Variants in EPHA6 observed in about 807,000 individuals in gnomAD.
EPHA6 encodes the protein EPH receptor A6, also known as ephrin type-A receptor 6.
A neutral mutation model predicts 112.0 loss-of-function variants in EPHA6; 50 were observed. That is an observed-to-expected ratio of 0.45 (90% CI 0.36 to 0.56). EPHA6 has a LOEUF of 0.56. Ranked by LOEUF, EPHA6 falls within the 20% of genes least tolerant of loss-of-function variation. The probability of loss-of-function intolerance (pLI) is 0.00; values close to 1 mark genes in which losing one functional copy is unlikely to be tolerated. For missense variants in EPHA6, 1,280 were observed against 1,417.4 expected (o/e 0.90, Z 1.56); for synonymous variants, 529 against 490.7 (o/e 1.08, Z -1.03).
chr3:96,984,069 C>T lies in EPHA6; in HGVS notation c.451-3261C>T, dbSNP rs967100596. Among the ~76,000 whole-genome samples the T allele has an allele frequency of 3.3e-5, 5 of 152,184 alleles. No homozygotes were observed. In the East Asian group the frequency reaches 5.8e-4, roughly 18 times the overall value. On this transcript the variant is annotated intron_variant, in intron 2 of 17. Transcript: ENST00000389672. ...CTCTCAACTCGTCAACGTCATTCTC[C>T]GTCCAGCTTTTTTCCGTTGCTGGCG... is the stretch of plus-strand genomic sequence containing the variant.
At chr3:96,942,181 T>A (rs2040995534) in intron 2 of EPHA6, among the ~76,000 whole-genome samples, 1 of 152,186 alleles carries the variant, frequency 6.6e-6, no homozygotes, top group Admixed American at 6.5e-5. Flanking sequence ...GTTACTGCTG[T>A]CTTTTTGTTT....
chr3:97,254,914 G>A (rs1190728919), intron 5 of EPHA6, among the ~76,000 whole-genome samples: 6 of 152,156 alleles, frequency 3.9e-5, no homozygotes, highest in Admixed American at 2.6e-4. Flanking sequence ...CCCCTGCATC[G>A]TCACTCTTTG....
At chr3:97,601,433 C>T (rs1286576892) in intron 12 of EPHA6, among the ~76,000 whole-genome samples, 1 of 152,082 alleles carries the variant, frequency 6.6e-6, no homozygotes, top group Non-Finnish European at 1.5e-5. Flanking sequence ...AGCATACATG[C>T]CCTCATGGGA....
intron 5 of EPHA6, among the ~76,000 whole-genome samples, chr3:97,286,459 T>A (rs1256696908): frequency 6.6e-6 from 1 of 152,204 alleles, no homozygotes; most frequent in East Asian, 1.9e-4. Flanking sequence ...CATAAGGATA[T>A]CCAGTTTTCC....
chr3:97,331,700 A>C (rs1325971543), intron 5 of EPHA6, among the ~76,000 whole-genome samples: 3 of 152,168 alleles, frequency 2.0e-5, no homozygotes, highest in Non-Finnish European at 4.4e-5. Flanking sequence ...ACCAGGAAGA[A>C]ATTGAATCTC....
intron 3 of EPHA6, among the ~76,000 whole-genome samples, chr3:97,071,873 C>T (rs963055951): frequency 7.9e-5 from 12 of 151,976 alleles, no homozygotes; most frequent in African/African-American, 2.9e-4. Flanking sequence ...CTCACCCGTC[C>T]CGCATTTTCC....
chr3:96,871,176 G>A (rs1303988430), intron 2 of EPHA6, among the ~76,000 whole-genome samples: 5 of 151,812 alleles, frequency 3.3e-5, no homozygotes, highest in African/African-American at 1.2e-4. Flanking sequence ...AAATGCATTA[G>A]GTTTTGTTAA....
intron 14 of EPHA6, among the ~76,000 whole-genome samples, chr3:97,669,197 A>G (rs1196066095): frequency 6.6e-6 from 1 of 151,786 alleles, no homozygotes; most frequent in East Asian, 1.9e-4. Context: ...AGTCTCTAAA[A>G]TACTAAGATC....
intron 3 of EPHA6, among the ~76,000 whole-genome samples, chr3:97,049,665 T>C (rs924302375): frequency 1.3e-5 from 2 of 152,024 alleles, no homozygotes; most frequent in Non-Finnish European, 2.9e-5. Flanking sequence ...AAAAAAATGG[T>C]TTATTTGGCT....
chr3:96,909,535 A>G (rs2039110095), intron 2 of EPHA6, among the ~76,000 whole-genome samples: 1 of 151,942 alleles, frequency 6.6e-6, no homozygotes, highest in South Asian at 2.1e-4. Context: ...AATAAAAATA[A>G]AAGTATATGT....
intron 3 of EPHA6, among the ~76,000 whole-genome samples, chr3:97,105,563 CTGTCTGAT>C (rs1473724186): frequency 6.6e-6 from 1 of 152,040 alleles, no homozygotes; most frequent in East Asian, 1.9e-4. Flanking sequence ...GGATTATTTT[CTGTCTGAT>C]TGTGTGATCA....
chr3:96,916,797 A>C (rs927496204), intron 2 of EPHA6, among the ~76,000 whole-genome samples: 1 of 152,186 alleles, frequency 6.6e-6, no homozygotes, highest in Non-Finnish European at 1.5e-5. Context: ...CAATGAGTTC[A>C]AAATACTAGT....
intron 10 of EPHA6, 121 bp from the exon 11 acceptor site, chr3:97,532,237 A>G: frequency 1.3e-6 from 1 of 790,792 alleles, no homozygotes; most frequent in South Asian, 2.2e-5. Context: ...AAATGTTTAT[A>G]TGAAAATAAC....
At chr3:97,356,690 T>C (rs982700408) in intron 5 of EPHA6, among the ~76,000 whole-genome samples, 2 of 152,176 alleles carry the variant, frequency 1.3e-5, no homozygotes, top group Non-Finnish European at 2.9e-5. Flanking sequence ...TGTTTTCTGA[T>C]CTGTTGAAAT....
chr3:97,284,239 A>G (rs1017484575), intron 5 of EPHA6, among the ~76,000 whole-genome samples: 2 of 152,242 alleles, frequency 1.3e-5, no homozygotes, highest in Admixed American at 6.5e-5. Flanking sequence ...TTTGATTCTT[A>G]TTGTTTTACT....
chr3:97,333,768 C>T (rs145105727), intron 5 of EPHA6, among the ~76,000 whole-genome samples: 59 of 152,114 alleles, frequency 3.9e-4, no homozygotes, highest in African/African-American at 1.3e-3. Flanking sequence ...CTTGACCTAT[C>T]GTGCCTGGCC....
rs139022818 is a variant in EPHA6 at position 97,020,370 on chromosome 3, G to A, written c.1114+32377G>A. Among the ~76,000 whole-genome samples, 496 of 152,232 alleles carry A rather than the reference G, an allele frequency of 3.3e-3. 5 individuals carry two copies. The highest frequency in any genetic ancestry group is 6.8e-3 in the Middle Eastern group (2 of 294). ...ATTTCACAGATCAGGTCATTATAGC[G>A]AAATAATAGGACAACATGTTATGTA... On this transcript the variant is annotated intron_variant, in intron 3 of 17. Transcript: ENST00000389672.
At chr3:97,504,250 C>G (rs1265741368) in intron 10 of EPHA6, among the ~76,000 whole-genome samples, 1 of 151,920 alleles carries the variant, frequency 6.6e-6, no homozygotes, top group African/African-American at 2.4e-5. Context: ...ATCTCAGGAC[C>G]AAGAGAATTA....
chr3:96,980,553 A>G (rs1386193899), intron 2 of EPHA6, among the ~76,000 whole-genome samples: 5 of 151,392 alleles, frequency 3.3e-5, no homozygotes, highest in Non-Finnish European at 5.9e-5. Context: ...TTGGTTCCAT[A>G]TGAACTTTAA....
Sources: allele counts gnomAD v4.1 joint callset (sites outside exome capture counted in the v4.1 genomes callset), GRCh38; gene constraint gnomAD v4.1.1; transcripts MANE v1.5; gene names NCBI Gene and HGNC (gene_info 2026-07-23, HGNC 2026-07-21).